The following KAZN variants were observed in gnomAD, a reference collection of about 807,000 sequenced individuals.
KAZN encodes kazrin.
Under a neutral mutation model 87.4 loss-of-function variants are expected in KAZN, and 40 were observed. The ratio of observed to expected loss-of-function variants is 0.46; its 90% CI spans 0.36 to 0.60. KAZN has a LOEUF of 0.60. Ranked by LOEUF, KAZN falls within the 20% of genes least tolerant of loss-of-function variation. The pLI is 0.00. For synonymous variants in KAZN, 466 were observed against 458.3 expected (o/e 1.02, Z -0.22); for missense variants, 898 against 1,073.9 (o/e 0.84, Z 2.29).
At chr1:15,089,411 T>C (rs1640424724) in intron 8 of KAZN, among the ~76,000 whole-genome samples, 1 of 151,960 alleles carries the variant, frequency 6.6e-6, no homozygotes, top group Non-Finnish European at 1.5e-5. Context: ...CCTGCCAGGC[T>C]GGACAACCAG....
At chr1:14,699,491 C>T (rs917976362) in intron 1 of KAZN, among the ~76,000 whole-genome samples, 1 of 152,200 alleles carries the variant, frequency 6.6e-6, no homozygotes, top group African/African-American at 2.4e-5. Context: ...GGTGGCTGCT[C>T]TCTCAGAGGC....
intron 2 of KAZN, among the ~76,000 whole-genome samples, chr1:14,346,890 G>T (rs12121975): frequency 0.25 from 38,559 of 152,032 alleles, 5,261 homozygotes; most frequent in Non-Finnish European, 0.32. Flanking sequence ...TTAGGATAGA[G>T]CTGTGAACAA....
chr1:14,627,660 T>A (rs568782808), intron 1 of KAZN, among the ~76,000 whole-genome samples: 1 of 152,224 alleles, frequency 6.6e-6, no homozygotes, highest in South Asian at 2.1e-4. Flanking sequence ...AATAAATATA[T>A]GTTCAATGAC....
At chr1:13,911,835 G>T (rs929350698) in intron 1 of KAZN, among the ~76,000 whole-genome samples, 3 of 152,154 alleles carry the variant, frequency 2.0e-5, no homozygotes, top group African/African-American at 7.2e-5. Flanking sequence ...ACAGTTATCT[G>T]CTGGAAGTTG....
intron 1 of KAZN, among the ~76,000 whole-genome samples, chr1:14,914,322 C>T (rs1657569435): frequency 2.0e-5 from 3 of 152,226 alleles, no homozygotes; most frequent in Admixed American, 2.0e-4. Context: ...GTCTGCCTCT[C>T]TGGGCTTTGC....
intron 1 of KAZN, among the ~76,000 whole-genome samples, chr1:14,770,168 T>C (rs980613614): frequency 1.3e-5 from 2 of 152,172 alleles, no homozygotes; most frequent in East Asian, 3.9e-4. Flanking sequence ...AGTTTGGACT[T>C]CAGCCTAAGG....
At chr1:15,100,860 G>A (rs543149851) in intron 10 of KAZN, among the ~76,000 whole-genome samples, 4 of 152,282 alleles carry the variant, frequency 2.6e-5, no homozygotes, top group African/African-American at 9.6e-5. Flanking sequence ...ACACCTGAGT[G>A]GACACCCAAC....
intron 2 of KAZN, among the ~76,000 whole-genome samples, chr1:14,982,342 G>T (rs982491831): frequency 6.6e-6 from 1 of 152,032 alleles, no homozygotes; most frequent in Non-Finnish European, 1.5e-5. Context: ...GCGGGCTTGG[G>T]CATGGGACAG....
At chr1:14,880,701 A>G (rs897708754) in intron 1 of KAZN, among the ~76,000 whole-genome samples, 5 of 152,176 alleles carry the variant, frequency 3.3e-5, no homozygotes, top group Non-Finnish European at 7.3e-5. Context: ...GGGACTGCCA[A>G]CTGGACTGCC....
intron 2 of KAZN, among the ~76,000 whole-genome samples, chr1:14,997,496 T>C (rs1468011833): frequency 2.0e-5 from 3 of 152,098 alleles, no homozygotes; most frequent in East Asian, 1.9e-4. Context: ...TGCCTCGGCC[T>C]CCCAAAGTGC....
chr1:14,883,386 A>AGAAT lies in KAZN; in HGVS notation c.227-77295_227-77294insTGAA, dbSNP rs1420715824. Among the ~76,000 whole-genome samples, 3 of 129,680 alleles carry AGAAT rather than the reference A, an allele frequency of 2.3e-5. 1 individual carries two copies. Among genetic ancestry groups the AGAAT allele is most frequent in the African/African-American group, 9.5e-5 (3 of 31,604 alleles). The allele number at this position is 129,680 out of a possible 152,430, so 85.1% of individuals were successfully genotyped here. On this transcript the variant is annotated intron_variant, in intron 1 of 14. Transcript: ENST00000376030. ...AAGAAAGAAAGAAAGAAAGAAAGAAAGAAAGAAAGAAAGAAAGAAAGAAAG... is the reference window on the plus strand; with the variant it reads ...AAGAAAGAAAGAAAGAAAGAAAGAAAGAATGAAAGAAAGAAAGAAAGAAAGAAAG...
At chr1:14,698,058 C>T (rs376732820) in intron 1 of KAZN, among the ~76,000 whole-genome samples, 20 of 152,304 alleles carry the variant, frequency 1.3e-4, no homozygotes, top group African/African-American at 4.3e-4. Flanking sequence ...CTGAGGTTTG[C>T]CTATGTCCTT....
At chr1:14,504,914 G>C (rs1670470024) in intron 2 of KAZN, among the ~76,000 whole-genome samples, 1 of 152,164 alleles carries the variant, frequency 6.6e-6, no homozygotes, top group South Asian at 2.1e-4. Flanking sequence ...ACTTGAACTA[G>C]CATAGACAGA....
intron 2 of KAZN, among the ~76,000 whole-genome samples, chr1:14,331,008 G>A (rs1263261580): frequency 2.0e-5 from 3 of 152,172 alleles, no homozygotes; most frequent in Non-Finnish European, 2.9e-5. Context: ...CCTGTTAGCT[G>A]GGTCTGTGGC....
At chr1:14,146,536 C>CAAAAAAAAAAA (rs55928646) in intron 1 of KAZN, among the ~76,000 whole-genome samples, 37 of 63,428 alleles carry the variant, frequency 5.8e-4, no homozygotes, top group Admixed American at 9.7e-4. Context: ...AACTCCATCT[C>CAAAAAAAAAAA]AAAAAAAAAA....
intron 1 of KAZN, among the ~76,000 whole-genome samples, chr1:14,697,012 C>T (rs563673004): frequency 6.6e-6 from 1 of 151,936 alleles, no homozygotes; most frequent in South Asian, 2.1e-4. Context: ...AGAAAAGGGC[C>T]AGACACAGTG....
chr1:13,896,880 T>G (rs1463546184), intron 1 of KAZN, among the ~76,000 whole-genome samples: 1 of 151,984 alleles, frequency 6.6e-6, no homozygotes, highest in East Asian at 1.9e-4. Flanking sequence ...GCGCCTAGGA[T>G]TTAGTGGGGC....
intron 1 of KAZN, among the ~76,000 whole-genome samples, chr1:14,057,099 C>A: frequency 6.7e-6 from 1 of 148,724 alleles, no homozygotes. Flanking sequence ...CAGAAGGGAA[C>A]TTGCATGTTT....
chr1:14,195,610 C>A (rs923011248), intron 2 of KAZN, among the ~76,000 whole-genome samples: 1 of 151,708 alleles, frequency 6.6e-6, no homozygotes, highest in Non-Finnish European at 1.5e-5. Flanking sequence ...ACTCAATAAA[C>A]TGGAAAACTT....
Sources: gnomAD v4.1 joint callset for allele counts (sites outside exome capture counted in the v4.1 genomes callset) on GRCh38, gnomAD v4.1.1 for gene constraint, MANE v1.5 for transcripts, NCBI Gene and HGNC (gene_info 2026-07-23, HGNC 2026-07-21) for gene names.